The following ESR2 variants were observed in gnomAD, a reference collection of about 807,000 sequenced individuals.
ESR2 encodes estrogen receptor beta.
In ESR2, 36 loss-of-function variants were observed where a neutral mutation model predicts 49.6. The observed-to-expected ratio is 0.73, with a 90% CI of 0.56 to 0.96. The LOEUF is 0.96. Among genes scored for constraint, ESR2 ranks in the 40% least tolerant of loss-of-function variants. The pLI is 0.00. For synonymous variants in ESR2, 320 were observed against 266.1 expected (o/e 1.20, Z -1.97); for missense variants, 714 against 693.0 (o/e 1.03, Z -0.34).
chr14:64,268,222 T>C (rs1480769680), intron 4 of ESR2, among the ~76,000 whole-genome samples: 2 of 152,230 alleles, frequency 1.3e-5, no homozygotes, highest in African/African-American at 4.8e-5. Flanking sequence ...AATACACATA[T>C]GTATACACCT....
At chr14:64,247,934 A>G (rs2075899338) in intron 7 of ESR2, among the ~76,000 whole-genome samples, 1 of 152,108 alleles carries the variant, frequency 6.6e-6, no homozygotes, top group Non-Finnish European at 1.5e-5. Flanking sequence ...GATCTCTCCT[A>G]GTTGACCCAG....
intron 1 of ESR2, among the ~76,000 whole-genome samples, chr14:64,284,820 A>G (rs1343298835): frequency 6.8e-6 from 1 of 147,828 alleles, no homozygotes; most frequent in Non-Finnish European, 1.5e-5. Context: ...TTTTGCTGCC[A>G]TCTTGAAGTA....
chr14:64,256,518 CAGG>C (rs1040329972), intron 6 of ESR2, among the ~76,000 whole-genome samples: 1 of 152,170 alleles, frequency 6.6e-6, no homozygotes, highest in African/African-American at 2.4e-5. Context: ...CGCCTGAGGT[CAGG>C]AGTTCAAGAC....
intron 6 of ESR2, among the ~76,000 whole-genome samples, chr14:64,252,489 T>G (rs2076009606): frequency 1.3e-5 from 2 of 152,180 alleles, no homozygotes; most frequent in African/African-American, 4.8e-5. Context: ...ATTTTCACAT[T>G]GCTATAAAGC....
intron 6 of ESR2, among the ~76,000 whole-genome samples, chr14:64,255,189 C>G (rs530635769): frequency 2.8e-4 from 42 of 152,044 alleles, no homozygotes; most frequent in African/African-American, 9.6e-4. Context: ...ATTTAGAAAT[C>G]AAGACAAAAG....
At chr14:64,310,118 C>A (rs1295661810) in intron 1 of ESR2, among the ~76,000 whole-genome samples, 1 of 150,202 alleles carries the variant, frequency 6.7e-6, no homozygotes, top group East Asian at 2.0e-4. Flanking sequence ...ACTAAAAATA[C>A]AAAACTTAGC....
intron 3 of ESR2, among the ~76,000 whole-genome samples, chr14:64,270,599 C>T (rs2076423906): frequency 6.6e-6 from 1 of 152,082 alleles, no homozygotes; most frequent in Non-Finnish European, 1.5e-5. Flanking sequence ...CAACCTCTGC[C>T]CCCCGGGTTC....
chr14:64,282,897 A>G lies in ESR2; in HGVS notation c.89T>C (p.Ile30Thr). 1 of 1,614,076 alleles carries G rather than the reference A, an allele frequency of 6.2e-7. No individual in the cohort carries two copies. The highest frequency in any genetic ancestry group is 2.2e-5 in the East Asian group (1 of 44,882). Reference protein sequence around the residue: ...QSILPLEHGSIYIPSSYVDSH... With the variant: ...QSILPLEHGSTYIPSSYVDSH... Reference sequence around the variant, plus strand: ...GTCTACATAGGAGGAAGGTATGTATATGGAGCCGTGCTCCAGGGGTAAGAT... The same window carrying G: ...GTCTACATAGGAGGAAGGTATGTATGTGGAGCCGTGCTCCAGGGGTAAGAT... The change falls in exon 2 of 9, where the codon ATA becomes ACA. Residue 30 changes from isoleucine to threonine, a missense_variant. Transcript: ENST00000341099.
intron 6 of ESR2, among the ~76,000 whole-genome samples, chr14:64,250,251 A>C (rs946366635): frequency 2.6e-5 from 4 of 152,338 alleles, no homozygotes; most frequent in East Asian, 1.9e-4. Flanking sequence ...TGAGAAAGAA[A>C]TCGCAATTAG....
At chr14:64,250,171 C>A (rs948737021) in intron 6 of ESR2, among the ~76,000 whole-genome samples, 1 of 152,192 alleles carries the variant, frequency 6.6e-6, no homozygotes, top group East Asian at 1.9e-4. Context: ...TTAACTCTCA[C>A]TTCCTGGTGG....
In ESR2 at chr14:64,264,355, CT is replaced by C. The variant is rs1297631855; in HGVS notation, c.653-3608del. Reference sequence around the variant, plus strand: ...ATTCAGAAAATTTGAACCAAATTTACTGCTAAAAGAATTAAAGGCCTAAAAT... The same window carrying C: ...ATTCAGAAAATTTGAACCAAATTTACGCTAAAAGAATTAAAGGCCTAAAAT... On this transcript the variant is annotated intron_variant, in intron 4 of 8. Transcript: ENST00000341099. Among the ~76,000 whole-genome samples, 24 of 152,210 alleles carry C rather than the reference CT, an allele frequency of 1.6e-4. No homozygotes were observed. The South Asian group carries it at 4.8e-3, about 30-fold the overall frequency.
At chr14:64,309,985 C>T (rs1053677375) in intron 1 of ESR2, among the ~76,000 whole-genome samples, 2 of 152,070 alleles carry the variant, frequency 1.3e-5, no homozygotes, top group South Asian at 4.1e-4. Context: ...ACTCGGGAGG[C>T]TGAGACAGGA....
At chr14:64,261,620 G>T (rs1407749141) in intron 4 of ESR2, among the ~76,000 whole-genome samples, 1 of 151,960 alleles carries the variant, frequency 6.6e-6, no homozygotes, top group Non-Finnish European at 1.5e-5. Context: ...ATTTCACCAT[G>T]TTGGCCAGGC....
chr14:64,242,444 CAAA>C (rs146972114), intron 7 of ESR2, among the ~76,000 whole-genome samples: 4 of 121,482 alleles, frequency 3.3e-5, no homozygotes, highest in South Asian at 4.8e-4. Context: ...AACAAACAAA[CAAA>C]AAAAATATAT....
rs1308756622 is a variant in ESR2 at position 64,268,922 on chromosome 14, G to C, written c.536-11C>G. ...TATAATCATTATGTCCTATAGCAGA[G>C]TGGGAGGGAAAAAAAGATTATTGCT... On this transcript the variant is annotated splice_polypyrimidine_tract_variant and intron_variant, in intron 3 of 8. Coordinates refer to ENST00000341099, the MANE Select transcript of ESR2 (RefSeq NM_001437.3). The C allele has an allele frequency of 6.9e-7, 1 of 1,452,458 alleles. No individual in the cohort carries two copies. 90.0% of individuals were successfully genotyped at this position (1,452,458 alleles called of 1,614,324 possible).
rs1192087111 is a variant in ESR2 at position 64,231,366 on chromosome 14, C to A, written c.*1771G>T. The stretch of plus-strand genomic sequence containing the variant: ...TCTAGGCTGACCAGGAGGAAAGAAG[C>A]TGACACTAACACTGGTTCCCTGGTT... On this transcript the variant is annotated 3_prime_UTR_variant, in exon 9 of 9. Coordinates refer to ENST00000341099, the MANE Select transcript of ESR2 (RefSeq NM_001437.3). The A allele has an allele frequency of 6.6e-6, 1 of 152,166 alleles. No individual in the cohort carries two copies. Among genetic ancestry groups the A allele is most frequent in the African/African-American group, 2.4e-5 (1 of 41,436 alleles). 9.4% of individuals were successfully genotyped at this position (152,166 alleles called of 1,614,324 possible). A position where few individuals can be genotyped will look rare whatever the true frequency, so the allele number is the denominator to read the frequency against.
intron 1 of ESR2, among the ~76,000 whole-genome samples, chr14:64,313,840 C>T (rs1483756147): frequency 7.5e-6 from 1 of 133,174 alleles, no homozygotes; most frequent in Admixed American, 7.4e-5. Flanking sequence ...GATCTCGCCA[C>T]TTCACTCCAG....
intron 7 of ESR2, among the ~76,000 whole-genome samples, chr14:64,241,388 G>A (rs1368221117): frequency 2.6e-5 from 4 of 152,166 alleles, no homozygotes; most frequent in Non-Finnish European, 5.9e-5. Flanking sequence ...ATCAGGTAGT[G>A]TAAGTCCTCC....
At chr14:64,305,062 G>A (rs1170400378) in intron 1 of ESR2, among the ~76,000 whole-genome samples, 2 of 151,890 alleles carry the variant, frequency 1.3e-5, no homozygotes, top group African/African-American at 4.8e-5. Flanking sequence ...AGGCTGAGGT[G>A]GGTGGATCAC....
Sources: gnomAD v4.1 joint callset for allele counts (sites outside exome capture counted in the v4.1 genomes callset) on GRCh38, gnomAD v4.1.1 for gene constraint, MANE v1.5 for transcripts, NCBI Gene and HGNC (gene_info 2026-07-23, HGNC 2026-07-21) for gene names.